C6orf120: variants seen among roughly 807,000 people sequenced by gnomAD.
The protein encoded by C6orf120 is chromosome 6 open reading frame 120.
For synonymous variants in C6orf120, 165 were observed against 123.1 expected (o/e 1.34, Z -2.25); for missense variants, 311 against 264.2 (o/e 1.18, Z -1.23).
rs376447866 is a variant in C6orf120 at position 169,704,062 on chromosome 6, G to A, written c.*1027G>A. The A allele has an allele frequency of 2.8e-5, 45 of 1,580,302 alleles. No individual in the cohort carries two copies. The highest frequency in any genetic ancestry group is 4.8e-5 in the South Asian group (4 of 83,862). ...ACTTTCCTGGGTGTTGGGGGGGCCC[G>A]CTGACAACAGTCACAAATCCAGCGA... On this transcript the variant is annotated 3_prime_UTR_variant, in exon 1 of 1. Transcript: ENST00000332290.
At chr6:169,702,385 G>T in exon 1 of C6orf120, 1 of 910,588 alleles carries the variant, frequency 1.1e-6, no homozygotes, top group Non-Finnish European at 1.6e-6. Context: ...GCGGGGACAG[G>T]CTCCGGTGCT....
exon 1 of C6orf120, chr6:169,703,951 G>A (rs1395739773): frequency 1.5e-6 from 2 of 1,343,774 alleles, no homozygotes; most frequent in East Asian, 2.6e-5. Flanking sequence ...GTTGTAAATG[G>A]CACCAAATAT....
At chr6:169,703,264 GT>G (rs898365230) in exon 1 of C6orf120, 1 of 573,446 alleles carries the variant, frequency 1.7e-6, no homozygotes, top group Non-Finnish European at 3.2e-6. Context: ...TGCACAAAGT[GT>G]TTAGACTCCA....
downstream of C6orf120, chr6:169,705,769 A>C (rs1191661183): frequency 1.1e-6 from 1 of 939,532 alleles, no homozygotes; most frequent in Admixed American, 1.7e-5. Context: ...AGAAGAGCTT[A>C]CTATGGGTTT....
downstream of C6orf120, chr6:169,705,326 A>AGTGAT: frequency 6.3e-7 from 1 of 1,596,614 alleles, no homozygotes; most frequent in Non-Finnish European, 8.5e-7. Flanking sequence ...GATGGCCTAA[A>AGTGAT]TCAAAACCAG....
exon 1 of C6orf120, chr6:169,704,163 C>G (rs1476834081): frequency 6.4e-5 from 68 of 1,066,634 alleles, no homozygotes; most frequent in Non-Finnish European, 8.9e-5. Flanking sequence ...CTAAACTCTT[C>G]TGCCTTAGCT....
chr6:169,704,888 C>G (rs954747717), downstream of C6orf120: 12 of 372,320 alleles, frequency 3.2e-5, no homozygotes, highest in East Asian at 4.5e-4. Context: ...AAAACACCAG[C>G]TCATTCTATA....
exon 1 of C6orf120, chr6:169,703,874 A>G (rs1562981741): frequency 2.9e-6 from 2 of 679,964 alleles, no homozygotes; most frequent in East Asian, 3.2e-5. Flanking sequence ...GTAGCTTTTA[A>G]CAGAAATAAC....
At chr6:169,705,006 C>T, downstream of C6orf120, 2 of 601,762 alleles carry the variant, frequency 3.3e-6, no homozygotes, top group East Asian at 3.0e-5. Flanking sequence ...ATAATCACAG[C>T]TTTGGTCATA....
Position 169,702,563 on chromosome 6 carries a change from TC to T in C6orf120, c.108del (p.Glu37ArgfsTer13). 6.2e-7 allele frequency: 1 copy of T among 1,612,634 alleles called. No individual in the cohort carries two copies. ...GGAAGCTGCGCGGACGAGGAGGAGG[TC>T]CCCGAGGAGTGGGTGCTCCTGCACG... On this transcript the variant is annotated frameshift_variant, in exon 1 of 1. Coordinates refer to ENST00000332290, the Ensembl canonical transcript of C6orf120. LOFTEE classifies it low-confidence loss of function (END_TRUNC).
chr6:169,705,221 T>A (rs575944778), downstream of C6orf120: 11 of 1,613,692 alleles, frequency 6.8e-6, no homozygotes, highest in South Asian at 2.2e-5. Flanking sequence ...CATGGTGGGG[T>A]TGTCCACATA....
exon 1 of C6orf120, chr6:169,702,210 T>A (rs770136957): frequency 2.9e-6 from 2 of 682,212 alleles, no homozygotes; most frequent in Non-Finnish European, 5.4e-6. Context: ...AGTCCGAGGG[T>A]GCCACAGCGG....
exon 1 of C6orf120, chr6:169,704,180 AATG>A: frequency 1.2e-6 from 1 of 867,414 alleles, no homozygotes; most frequent in Non-Finnish European, 1.7e-6. Context: ...AGCTATCACT[AATG>A]ATATTCCTCT....
chr6:169,706,087 C>CTT (rs1788776372), downstream of C6orf120, among the ~76,000 whole-genome samples: 1 of 151,556 alleles, frequency 6.6e-6, no homozygotes, highest in South Asian at 2.1e-4. Context: ...ATGTGTAAGA[C>CTT]TTACTCTAAA....
At chr6:169,702,790 C>T (rs747003214) in exon 1 of C6orf120, 1 of 1,613,142 alleles carries the variant, frequency 6.2e-7, no homozygotes, top group African/African-American at 1.3e-5. Flanking sequence ...CGCGCACTTC[C>T]GGCGCCCAGT....
At chr6:169,702,298 G>A in exon 1 of C6orf120, 1 of 666,874 alleles carries the variant, frequency 1.5e-6, no homozygotes, top group Non-Finnish European at 2.7e-6. Flanking sequence ...TCCTCCCCGG[G>A]GCCTCACGCG....
downstream of C6orf120, chr6:169,705,579 G>A (rs371636901): frequency 2.1e-5 from 22 of 1,042,108 alleles, no homozygotes; most frequent in Non-Finnish European, 2.9e-5. Flanking sequence ...CAATAAATAC[G>A]GTGGTTAAAA....
chr6:169,702,136 C>T, upstream of C6orf120: 1 of 587,824 alleles, frequency 1.7e-6, no homozygotes, highest in Non-Finnish European at 3.2e-6. Context: ...ACTTCCGCCT[C>T]CGGCGAGGCT....
chr6:169,702,143 G>C (rs777358757), upstream of C6orf120: 2 of 601,924 alleles, frequency 3.3e-6, no homozygotes, highest in Admixed American at 4.3e-5. Flanking sequence ...CCTCCGGCGA[G>C]GCTCCGGCCT....
Sources: gnomAD v4.1 joint callset for allele counts (sites outside exome capture counted in the v4.1 genomes callset) on GRCh38, gnomAD v4.1.1 for gene constraint, MANE v1.5 for transcripts, NCBI Gene and HGNC (gene_info 2026-07-23, HGNC 2026-07-21) for gene names.